ESR2: variants seen among roughly 807,000 people sequenced by gnomAD.
ESR2 encodes estrogen receptor 2, also known as estrogen receptor beta.
A neutral mutation model predicts 49.6 loss-of-function variants in ESR2; 36 were observed. That is an observed-to-expected ratio of 0.73 (90% CI 0.56 to 0.96). The LOEUF is 0.96. Among genes scored for constraint, ESR2 ranks in the 40% least tolerant of loss-of-function variants. ESR2 has a pLI of 0.00. For synonymous variants in ESR2, 320 were observed against 266.1 expected, an observed-to-expected ratio of 1.20 and a Z score of -1.97; for missense variants, 714 against 693.0, an observed-to-expected ratio of 1.03 and a Z score of -0.34.
At chr14:64,296,913 G>T (rs2076964286), upstream of ESR2, among the ~76,000 whole-genome samples, 1 of 152,202 alleles carries the variant, frequency 6.6e-6, no homozygotes, top group South Asian at 2.1e-4. Context: ...AACTTTGCCT[G>T]GTTTAATGCA....
intron 1 of ESR2, among the ~76,000 whole-genome samples, chr14:64,303,820 A>G (rs191578684): frequency 8.1e-4 from 124 of 152,316 alleles, no homozygotes; most frequent in African/African-American, 2.9e-3. Flanking sequence ...ACTATGTGCC[A>G]GATATTGAGG....
chr14:64,291,154 C>G (rs959873305), intron 1 of ESR2, among the ~76,000 whole-genome samples: 2 of 152,186 alleles, frequency 1.3e-5, no homozygotes, highest in Admixed American at 1.3e-4. Context: ...CACAGCCAAT[C>G]CAGAAGTTAG....
At chr14:64,274,740 T>TA (rs1224155272) in intron 3 of ESR2, among the ~76,000 whole-genome samples, 1 of 152,182 alleles carries the variant, frequency 6.6e-6, no homozygotes, top group Non-Finnish European at 1.5e-5. Flanking sequence ...TGTAGGCACT[T>TA]AAGCTATAAA....
Position 64,283,034 on chromosome 14 carries a change from G to A in ESR2, c.-49C>T. 1 of 1,555,854 alleles carries A rather than the reference G, an allele frequency of 6.4e-7. No individual in the cohort carries two copies. The highest frequency in any genetic ancestry group is 8.7e-7 in the Non-Finnish European group (1 of 1,151,560). On this transcript the variant is annotated 5_prime_UTR_variant, in exon 2 of 9. Coordinates refer to ENST00000341099, the MANE Select transcript of ESR2 (RefSeq NM_001437.3). ...ACACCTTGCAAGAAGAGGCACAAAG[G>A]TCATTATAATGTTCTCAAAGATTCG...
downstream of ESR2, chr14:64,228,094 A>G (rs2098723687): frequency 2.2e-6 from 3 of 1,336,504 alleles, no homozygotes; most frequent in East Asian, 8.6e-5. Context: ...ACTAAAGATG[A>G]AATTGTTCTT....
intron 1 of ESR2, among the ~76,000 whole-genome samples, chr14:64,287,768 TA>T (rs1596461232): frequency 6.6e-6 from 1 of 152,186 alleles, no homozygotes; most frequent in African/African-American, 2.4e-5. Flanking sequence ...AGCCCTCCTC[TA>T]AAACAGAGAT....
chr14:64,273,622 A>G (rs1006562474), intron 3 of ESR2, among the ~76,000 whole-genome samples: 4 of 152,304 alleles, frequency 2.6e-5, no homozygotes, highest in South Asian at 4.1e-4. Flanking sequence ...CATATGTTGA[A>G]CCATCCTTGC....
intron 3 of ESR2, among the ~76,000 whole-genome samples, chr14:64,274,652 G>T (rs2076521219): frequency 6.6e-6 from 1 of 151,684 alleles, no homozygotes; most frequent in South Asian, 2.1e-4. Flanking sequence ...TTAATTTTGG[G>T]TTTGGCTTGC....
chr14:64,271,221 C>T (rs940329383), intron 3 of ESR2, among the ~76,000 whole-genome samples: 7 of 152,118 alleles, frequency 4.6e-5, no homozygotes, highest in African/African-American at 1.7e-4. Context: ...ATCCTCCCAT[C>T]TCAGCCTCCC....
chr14:64,279,659 T>C (rs1368152253), intron 3 of ESR2, among the ~76,000 whole-genome samples: 1 of 152,260 alleles, frequency 6.6e-6, no homozygotes, highest in Admixed American at 6.5e-5. Context: ...AAACAATCTT[T>C]GCAACTCCTT....
chr14:64,285,359 CT>C (rs1306027744), intron 1 of ESR2, among the ~76,000 whole-genome samples: 1 of 152,194 alleles, frequency 6.6e-6, no homozygotes, highest in Non-Finnish European at 1.5e-5. Flanking sequence ...GAATCTCCTG[CT>C]GTTTTCTTAC....
At chr14:64,308,779 AAATTT>A (rs768690150) in intron 1 of ESR2, among the ~76,000 whole-genome samples, 2 of 151,840 alleles carry the variant, frequency 1.3e-5, no homozygotes, top group Non-Finnish European at 2.9e-5. Context: ...GAACAGATGT[AAATTT>A]ATTTATTTTT....
At chr14:64,334,916 G>A (rs975227054) in intron 1 of ESR2, among the ~76,000 whole-genome samples, 5 of 152,178 alleles carry the variant, frequency 3.3e-5, no homozygotes, top group Non-Finnish European at 7.3e-5. Context: ...CCAAAGTGCT[G>A]GGATTACAAG....
At chr14:64,237,955 G>A (rs1360308087) in intron 7 of ESR2, among the ~76,000 whole-genome samples, 4 of 152,124 alleles carry the variant, frequency 2.6e-5, no homozygotes, top group Non-Finnish European at 5.9e-5. Context: ...ATTGATGGTG[G>A]TGATGGTTGC....
In ESR2 at chr14:64,258,358, G is replaced by A. The variant is rs551766712; in HGVS notation, c.953-994C>T. Reference sequence around the variant, plus strand: ...CTTCAAAAGCAAAGCAGAGAACACCGGGGCTTCCTTCACAAGCCATGATAA... The same window carrying A: ...CTTCAAAAGCAAAGCAGAGAACACCAGGGCTTCCTTCACAAGCCATGATAA... On this transcript the variant is annotated intron_variant, in intron 5 of 8. Coordinates refer to ENST00000341099, the MANE Select transcript of ESR2 (RefSeq NM_001437.3). Among the ~76,000 whole-genome samples, 252 of 152,250 alleles carry A rather than the reference G, an allele frequency of 1.7e-3. 1 individual carries two copies. The highest frequency in any genetic ancestry group is 1.6e-3 in the Non-Finnish European group (109 of 68,022).
chr14:64,260,778 G>C (rs1217550589), intron 4 of ESR2, 30 bp from the exon 5 acceptor site: 1 of 1,430,530 alleles, frequency 7.0e-7, no homozygotes, highest in Non-Finnish European at 9.2e-7. Context: ...CATTCGAATT[G>C]CCAGGGTAAA....
intron 1 of ESR2, among the ~76,000 whole-genome samples, chr14:64,325,609 C>A (rs2077379227): frequency 1.3e-5 from 2 of 151,706 alleles, no homozygotes; most frequent in African/African-American, 4.8e-5. Context: ...TACAGTTGAC[C>A]CTTGAAGACC....
chr14:64,231,453 A>C lies in ESR2; in HGVS notation c.*1684T>G, dbSNP rs1268099729. The C allele has an allele frequency of 1.3e-5, 2 of 152,186 alleles. No homozygotes were observed. Among genetic ancestry groups the C allele is most frequent in the Non-Finnish European group, 2.9e-5 (2 of 68,028 alleles). 9.4% of individuals were successfully genotyped at this position (152,186 alleles called of 1,614,324 possible). A position where few individuals can be genotyped will look rare whatever the true frequency, so the allele number is the denominator to read the frequency against. ...TTACTAAAGCTGTAACTGAGTCTCT[A>C]AGAATAACTTCAGACTGCCTCAGAA... On this transcript the variant is annotated 3_prime_UTR_variant, in exon 9 of 9. Coordinates refer to ENST00000341099, the MANE Select transcript of ESR2 (RefSeq NM_001437.3).
In ESR2 at chr14:64,235,298, T is replaced by TC. The variant is rs1043840626; in HGVS notation, c.1226-149dup. 3.9e-6 allele frequency: 3 copies of TC among 765,518 alleles called. No individual in the cohort carries two copies. In the African/African-American group the frequency reaches 5.2e-5, roughly 13 times the overall value. The allele number at this position is 765,518 out of a possible 1,614,324, so 47.4% of individuals were successfully genotyped here. On this transcript the variant is annotated intron_variant, in intron 7 of 8. Transcript: ENST00000341099. ...AGGAGCTTATAAGCATGGTCTTACC[T>TC]CCCCCAGGGGATCTTCCCTGAGAGC...
Sources: gnomAD v4.1 joint callset for allele counts (sites outside exome capture counted in the v4.1 genomes callset) on GRCh38, gnomAD v4.1.1 for gene constraint, MANE v1.5 for transcripts, NCBI Gene and HGNC (gene_info 2026-07-23, HGNC 2026-07-21) for gene names.